Variants in GPC5 observed in about 807,000 individuals in gnomAD.
The protein encoded by GPC5 is glypican-5.
In GPC5, 47 loss-of-function variants were observed where a neutral mutation model predicts 53.9. The ratio of observed to expected loss-of-function variants is 0.87; its 90% confidence interval spans 0.69 to 1.11. The LOEUF (loss-of-function observed/expected upper bound fraction) is 1.11, where lower values mean the gene tolerates loss of function less well. Ranked by LOEUF, GPC5 falls within the 50% of genes most tolerant of loss-of-function variation. The pLI is 0.00. For missense variants in GPC5, 748 were observed against 713.1 expected, an observed-to-expected ratio of 1.05 and a Z score of -0.56; for synonymous variants, 286 against 263.3, an observed-to-expected ratio of 1.09 and a Z score of -0.84.
At chr13:91,784,254 T>A (rs1277290980) in intron 5 of GPC5, among the ~76,000 whole-genome samples, 1 of 152,234 alleles carries the variant, frequency 6.6e-6, no homozygotes, top group Non-Finnish European at 1.5e-5. Flanking sequence ...AGATTGTCTT[T>A]TTTTAAGTTT....
rs143731731 is a variant in GPC5, at chr13:91,964,758, A to T, written c.1401+56701A>T. ...GTATATACCCAAAGGATTATAAATCATGCTGCTATGAAGACACATGCACAT... is the reference window on the plus strand; with the variant it reads ...GTATATACCCAAAGGATTATAAATCTTGCTGCTATGAAGACACATGCACAT... On this transcript the variant is annotated intron_variant, in intron 6 of 7. Transcript: ENST00000377067. Among the ~76,000 whole-genome samples, 734 of 152,282 alleles carry T rather than the reference A, an allele frequency of 4.8e-3. 6 individuals carry two copies. Among genetic ancestry groups the T allele is most frequent in the African/African-American group, 0.017 (688 of 41,566 alleles).
At chr13:91,983,372 G>A (rs1015863030) in intron 6 of GPC5, among the ~76,000 whole-genome samples, 1 of 152,042 alleles carries the variant, frequency 6.6e-6, no homozygotes, top group South Asian at 2.1e-4. Flanking sequence ...AAGGGAGGAG[G>A]AAAAGAGAGG....
chr13:92,841,398 A>T (rs1392732664), intron 7 of GPC5, among the ~76,000 whole-genome samples: 1 of 152,112 alleles, frequency 6.6e-6, no homozygotes, highest in Non-Finnish European at 1.5e-5. Context: ...CAAATATATA[A>T]AATGTATAGT....
chr13:91,667,357 T>G (rs1335278056), intron 2 of GPC5, among the ~76,000 whole-genome samples: 1 of 152,160 alleles, frequency 6.6e-6, no homozygotes, highest in Non-Finnish European at 1.5e-5. Flanking sequence ...TCTCTTTTAT[T>G]TAATTACATA....
At chr13:92,832,647 T>C (rs1457837730) in intron 7 of GPC5, among the ~76,000 whole-genome samples, 2 of 152,126 alleles carry the variant, frequency 1.3e-5, no homozygotes, top group Admixed American at 1.3e-4. Context: ...CTTGACTCCC[T>C]TACCTCCTCA....
rs191474726 is a variant in GPC5 at position 92,379,793 on chromosome 13, C to T, written c.1561+234804C>T. 1.9e-3 allele frequency among the ~76,000 whole-genome samples: 296 copies of T among 152,304 alleles called. 1 individual carries two copies. The highest frequency in any genetic ancestry group is 4.7e-3 in the African/African-American group (196 of 41,574). ...CTCTCTGTGTCCTCAAATGTTGCCT[C>T]TCTCACTTACACATGGCTCACAGCA... On this transcript the variant is annotated intron_variant, in intron 7 of 7. Transcript: ENST00000377067.
chr13:91,992,261 G>T (rs2138736781), intron 6 of GPC5, among the ~76,000 whole-genome samples: 1 of 152,102 alleles, frequency 6.6e-6, no homozygotes, highest in Admixed American at 6.5e-5. Flanking sequence ...TCCATCTCAT[G>T]GCCTCAATCC....
At position 92,657,579 on chromosome 13, in the gene GPC5, G is replaced by GTTTGGT. The variant is rs1886177634; in HGVS notation, c.1562-208700_1562-208699insGGTTTT. Among the ~76,000 whole-genome samples the GTTTGGT allele has an allele frequency of 2.8e-5, 3 of 106,726 alleles. No homozygotes were observed. In the South Asian group the frequency reaches 9.5e-4, roughly 34 times the overall value. 70.0% of individuals were successfully genotyped at this position (106,726 alleles called of 152,430 possible). On this transcript the variant is annotated intron_variant, in intron 7 of 7. Coordinates refer to ENST00000377067, the MANE Select transcript of GPC5 (RefSeq NM_004466.6). The stretch of plus-strand genomic sequence containing the variant: ...TACTAGTTTTCTAGAAGGTTTTTTG[G>GTTTGGT]TTTTTTTTTTTTTTTTTTTTTTTTT...
chr13:92,323,900 C>T (rs2043232745), intron 7 of GPC5, among the ~76,000 whole-genome samples: 1 of 151,856 alleles, frequency 6.6e-6, no homozygotes, highest in African/African-American at 2.4e-5. Context: ...GACAATGACT[C>T]ATATCAAAAA....
chr13:92,478,129 G>A (rs1357817048), intron 7 of GPC5, among the ~76,000 whole-genome samples: 2 of 151,988 alleles, frequency 1.3e-5, no homozygotes, highest in African/African-American at 2.4e-5. Flanking sequence ...CGGAGAATTT[G>A]TTCAGTATTT....
intron 6 of GPC5, among the ~76,000 whole-genome samples, chr13:91,920,809 A>C (rs945363420): frequency 1.9e-4 from 29 of 151,950 alleles, no homozygotes; most frequent in African/African-American, 5.3e-4. Context: ...ATCTGAAAGC[A>C]TGTACTCAGT....
intron 7 of GPC5, among the ~76,000 whole-genome samples, chr13:92,252,191 A>G (rs1183226123): frequency 1.3e-5 from 2 of 152,108 alleles, no homozygotes; most frequent in Non-Finnish European, 2.9e-5. Flanking sequence ...TACTTTTTTT[A>G]AAGAGAATAA....
intron 4 of GPC5, among the ~76,000 whole-genome samples, chr13:91,739,181 G>A (rs572523000): frequency 1.3e-5 from 2 of 151,430 alleles, no homozygotes; most frequent in African/African-American, 4.9e-5. Flanking sequence ...AACATTACAC[G>A]TTGTGTCTAA....
chr13:92,016,127 T>C (rs1202050292), intron 6 of GPC5, among the ~76,000 whole-genome samples: 3 of 152,202 alleles, frequency 2.0e-5, no homozygotes, highest in South Asian at 2.1e-4. Context: ...AAGTGGTTAC[T>C]GGGAGAGCAG....
chr13:92,591,200 T>C (rs1363605224), intron 7 of GPC5, among the ~76,000 whole-genome samples: 1 of 152,156 alleles, frequency 6.6e-6, no homozygotes, highest in Non-Finnish European at 1.5e-5. Context: ...GAAGCTTCAG[T>C]CTCTGATTTG....
intron 2 of GPC5, among the ~76,000 whole-genome samples, chr13:91,459,577 G>A (rs1334686316): frequency 9.9e-5 from 15 of 151,944 alleles, no homozygotes; most frequent in Admixed American, 9.8e-4. Flanking sequence ...GGCTGTAGGA[G>A]GGGCTTCCAC....
intron 7 of GPC5, among the ~76,000 whole-genome samples, chr13:92,619,957 G>C (rs771990614): frequency 7.9e-5 from 12 of 152,106 alleles, no homozygotes; most frequent in Non-Finnish European, 1.5e-4. Context: ...AGTATATAAT[G>C]CTAAAATAAA....
chr13:92,173,061 A>G (rs73622769), intron 7 of GPC5, among the ~76,000 whole-genome samples: 1,920 of 151,606 alleles, frequency 0.013, 59 homozygotes, highest in African/African-American at 0.043. Context: ...TGGTTAAAGT[A>G]ATTTTTGCTT....
Position 91,889,490 on chromosome 13 carries a change from G to A in GPC5, c.1281-18447G>A, listed in dbSNP as rs551314166. 4.6e-5 allele frequency among the ~76,000 whole-genome samples: 7 copies of A among 151,634 alleles called. No homozygotes were observed. In the South Asian group the frequency reaches 6.2e-4, roughly 14 times the overall value. On this transcript the variant is annotated intron_variant, in intron 5 of 7. Transcript: ENST00000377067. ...TTTTTTCTTTTTTAATTGGAACTTG[G>A]ATGGGACTCCATTACAAAGTATCAT...
Sources: allele counts gnomAD v4.1 joint callset (sites outside exome capture counted in the v4.1 genomes callset), GRCh38; gene constraint gnomAD v4.1.1; transcripts MANE v1.5; gene names NCBI Gene and HGNC (gene_info 2026-07-23, HGNC 2026-07-21).